Variants in LITAF observed in about 807,000 individuals in gnomAD.
The protein encoded by LITAF is lipopolysaccharide-induced tumor necrosis factor-alpha factor.
LITAF carries 9 observed loss-of-function variants against 14.5 expected under a neutral mutation model. That is an observed-to-expected ratio of 0.62 (90% CI 0.37 to 1.08). The LOEUF (loss-of-function observed/expected upper bound fraction) is 1.08, where lower values mean the gene tolerates loss of function less well. Ranked by LOEUF, LITAF falls within the 50% of genes least tolerant of loss-of-function variation. The pLI, the probability that LITAF is intolerant of heterozygous loss-of-function variation, is 0.01. For synonymous variants in LITAF, 98 were observed against 88.2 expected (o/e 1.11, Z -0.62); for missense variants, 206 against 213.4 (o/e 0.97, Z 0.22).
chr16:11,566,282 G>C (rs1019822841), intron 1 of LITAF, among the ~76,000 whole-genome samples: 13 of 152,178 alleles, frequency 8.5e-5, no homozygotes, highest in Admixed American at 5.2e-4. Flanking sequence ...TGCTTCATAG[G>C]GTGACCCAAT....
chr16:11,579,562 C>T (rs971411355), intron 1 of LITAF, among the ~76,000 whole-genome samples: 1 of 151,658 alleles, frequency 6.6e-6, no homozygotes, highest in Admixed American at 6.6e-5. Flanking sequence ...TAGGTTAGGA[C>T]CCTGGCCCAG....
chr16:11,555,633 T>C (rs2064256343), intron 2 of LITAF, among the ~76,000 whole-genome samples: 1 of 145,874 alleles, frequency 6.9e-6, no homozygotes, highest in African/African-American at 2.6e-5. Context: ...CACTCCAACC[T>C]GGGCAACATG....
intron 1 of LITAF, among the ~76,000 whole-genome samples, chr16:11,566,655 C>A (rs1441101699): frequency 1.5e-4 from 23 of 152,296 alleles, no homozygotes; most frequent in African/African-American, 5.5e-4. Flanking sequence ...GTCCCAGCTA[C>A]TCGGAGGCTG....
At chr16:11,638,701 C>CAAAAAAAAAAAAAA (rs57170972), upstream of LITAF, among the ~76,000 whole-genome samples, 3 of 75,950 alleles carry the variant, frequency 3.9e-5, no homozygotes, top group East Asian at 4.3e-4. Context: ...GACTCTGTCT[C>CAAAAAAAAAAAAAA]AAAAAAAAAA....
rs969871490 is a variant in LITAF, at chr16:11,605,330, T to C, written c.85+28203A>G. ...GGGATGCCACGCAGGTCTGGCTATG[T>C]CTTCAGAAACCCCCACGAGGCCCAG... On this transcript the variant is annotated intron_variant, in intron 3 of 3. Transcript: ENST00000574848. The surrounding 1 kb of genome is among the most constrained non-coding windows in gnomAD (Gnocchi z 4.7). 2.6e-5 allele frequency among the ~76,000 whole-genome samples: 4 copies of C among 152,148 alleles called. No homozygotes were observed. Among genetic ancestry groups the C allele is most frequent in the Non-Finnish European group, 5.9e-5 (4 of 68,012 alleles).
At chr16:11,569,081 G>A (rs189600138) in intron 1 of LITAF, among the ~76,000 whole-genome samples, 14 of 152,316 alleles carry the variant, frequency 9.2e-5, no homozygotes, top group Admixed American at 5.2e-4. Flanking sequence ...AGGGAAGGAC[G>A]AGTAGGACGG....
intron 3 of LITAF, among the ~76,000 whole-genome samples, chr16:11,552,066 T>C (rs1425205763): frequency 1.3e-5 from 2 of 152,134 alleles, no homozygotes; most frequent in African/African-American, 4.8e-5. Flanking sequence ...TTAACTAAAC[T>C]CTCTGGGACT....
intron 1 of LITAF, among the ~76,000 whole-genome samples, chr16:11,584,547 T>G (rs8054918): frequency 0.14 from 20,768 of 152,128 alleles, 1,709 homozygotes; most frequent in South Asian, 0.23. Context: ...TCTGTACCTC[T>G]TCCACAGCTC....
chr16:11,631,940 C>A (rs940320543), intron 3 of LITAF, among the ~76,000 whole-genome samples: 1 of 151,220 alleles, frequency 6.6e-6, no homozygotes, highest in Non-Finnish European at 1.5e-5. Context: ...ATCTCTGCCT[C>A]CCTGCAATCT....
chr16:11,626,166 TA>T (rs2065082599), intron 3 of LITAF, among the ~76,000 whole-genome samples: 1 of 151,738 alleles, frequency 6.6e-6, no homozygotes, highest in South Asian at 2.1e-4. Context: ...TACTTTACTT[TA>T]AAAAAACAAA....
chr16:11,580,958 C>T (rs1421597868), intron 1 of LITAF, among the ~76,000 whole-genome samples: 1 of 151,996 alleles, frequency 6.6e-6, no homozygotes, highest in East Asian at 1.9e-4. Context: ...AGAGACAGGG[C>T]TTTGCCATGT....
At chr16:11,615,736 A>G in intron 3 of LITAF, among the ~76,000 whole-genome samples, 1 of 152,202 alleles carries the variant, frequency 6.6e-6, no homozygotes, top group East Asian at 1.9e-4. Context: ...GGTATAATAA[A>G]AAGTATCTGC....
chr16:11,612,421 T>A (rs1597371152), intron 3 of LITAF, among the ~76,000 whole-genome samples: 1 of 152,186 alleles, frequency 6.6e-6, no homozygotes, highest in Non-Finnish European at 1.5e-5. Context: ...CTGGGCTCTC[T>A]GGAAGGCAGG....
At chr16:11,621,315 C>T (rs1249900969) in intron 3 of LITAF, among the ~76,000 whole-genome samples, 3 of 152,288 alleles carry the variant, frequency 2.0e-5, no homozygotes, top group African/African-American at 2.4e-5. Flanking sequence ...CTGCCCACCT[C>T]GGCCTCCCAA....
chr16:11,638,066 CTATATATATATCTA>C (rs1567271101), upstream of LITAF, among the ~76,000 whole-genome samples: 26 of 87,892 alleles, frequency 3.0e-4, 1 homozygote, highest in African/African-American at 1.5e-3. Flanking sequence ...ATATATATAT[CTATATATATATCTA>C]TATCTATCTA....
intron 3 of LITAF, among the ~76,000 whole-genome samples, chr16:11,603,802 T>TG (rs1597368316): frequency 6.6e-6 from 1 of 152,090 alleles, no homozygotes; most frequent in Admixed American, 6.6e-5. Context: ...CCCAGCACTT[T>TG]GGGAGGCTGA....
chr16:11,548,588 CTTTTTTTTTT>C lies in LITAF; in HGVS notation c.*1039_*1048del, dbSNP rs71778957. The stretch of plus-strand genomic sequence containing the variant: ...TAGATGAAATTATCCATTTCTTTTT[CTTTTTTTTTT>C]TTTTAAGTGAGACTACATTGGCAAA... On this transcript the variant is annotated 3_prime_UTR_variant, in exon 4 of 4. Transcript: ENST00000622633. The C allele has an allele frequency of 2.4e-6, 1 of 421,634 alleles. No individual in the cohort carries two copies. Among genetic ancestry groups the C allele is most frequent in the South Asian group, 1.7e-5 (1 of 58,388 alleles). The allele number at this position is 421,634 out of a possible 1,614,324, so 26.1% of individuals were successfully genotyped here. A position where few individuals can be genotyped will look rare whatever the true frequency, so the allele number is the denominator to read the frequency against.
At chr16:11,619,129 G>A (rs754367214) in intron 3 of LITAF, among the ~76,000 whole-genome samples, 6 of 151,922 alleles carry the variant, frequency 3.9e-5, no homozygotes, top group Non-Finnish European at 8.8e-5. Flanking sequence ...TGGCCAACAT[G>A]GCAAAACCCC....
intron 1 of LITAF, among the ~76,000 whole-genome samples, chr16:11,573,245 T>A (rs1189034696): frequency 1.3e-5 from 2 of 152,080 alleles, no homozygotes; most frequent in Non-Finnish European, 2.9e-5. Flanking sequence ...AGATTTTTTT[T>A]AAACCCCATA....
Sources: gnomAD v4.1 joint callset for allele counts (sites outside exome capture counted in the v4.1 genomes callset) on GRCh38, gnomAD v4.1.1 for gene constraint, Gnocchi (gnomAD v3.1) non-coding constraint, MANE v1.5 for transcripts, NCBI Gene and HGNC (gene_info 2026-07-23, HGNC 2026-07-21) for gene names.